Variants in LYST observed in about 807,000 individuals in gnomAD.
LYST encodes lysosomal trafficking regulator, also known as lysosomal-trafficking regulator.
A neutral mutation model predicts 413.6 loss-of-function variants in LYST; 192 were observed. That is an observed-to-expected ratio of 0.46 (90% confidence interval 0.41 to 0.52). The LOEUF is 0.52. LYST is among the 20% of genes least tolerant of loss of function. LYST has a pLI of 0.00. For synonymous variants in LYST, 1,525 were observed against 1,567.3 expected (o/e 0.97, Z 0.64); for missense variants, 3,815 against 4,499.9 (o/e 0.85, Z 4.35).
chr1:235,702,944 C>T lies in LYST; in HGVS notation c.10177G>A (p.Asp3393Asn). Residue 3393 changes from aspartate to asparagine, a missense_variant, in exon 45 of 53, where the codon GAT becomes AAT. Physicochemically the swap from Asp to Asn is conservative, Grantham distance 23 (BLOSUM62 1). Around this residue, in one of 4 missense-constraint regions of LYST, gnomAD observed 866 missense variants for 1,156.0 expected, o/e 0.75. Transcript: ENST00000389793. ...YFGMDVSAVE[D>N]PVQRRALETM... ...TCTAGCGCTCGTCTCTGAACTGGAT[C>T]TTCAACTGCAGAGACATCCATTCCA... is the stretch of plus-strand genomic sequence containing the variant. The T allele has an allele frequency of 6.2e-7, 1 of 1,614,118 alleles. No homozygotes were observed. The highest frequency in any genetic ancestry group is 8.5e-7 in the Non-Finnish European group (1 of 1,179,970).
chr1:235,741,424 G>A lies in LYST; in HGVS notation c.8356C>T (p.Gln2786Ter). 6.2e-7 allele frequency: 1 copy of A among 1,611,320 alleles called. No individual in the cohort carries two copies. The highest frequency in any genetic ancestry group is 8.5e-7 in the Non-Finnish European group (1 of 1,177,520). ...ILRDCLSPSLQHGAKLVLYLS... is the reference protein window; with the variant it reads ...ILRDCLSPSL ...CTTATCAAAGCTGAGATACTTACTT[G>A]TAGGGATGGGCTGAGACAGTCTCGT... The change falls in exon 31 of 53, where the codon CAA (glutamine) becomes TAA (stop). Residue 2786 changes from glutamine (Q) to a stop codon, truncating the protein, a stop_gained and splice_region_variant. Coordinates refer to ENST00000389793, the MANE Select transcript of LYST (RefSeq NM_000081.4). LOFTEE classifies it high-confidence loss of function.
rs772463293 is a variant in LYST, at chr1:235,684,885, TC to T, written c.10800+2063del. Among the ~76,000 whole-genome samples the T allele has an allele frequency of 7.2e-5, 11 of 152,156 alleles. No homozygotes were observed. The South Asian group carries it at 2.3e-3, about 32-fold the overall frequency. On this transcript the variant is annotated intron_variant, in intron 48 of 52. Transcript: ENST00000389793. ...CTCAAGCGATCTTCTTGTCTTGGCC[TC>T]CCAAAGTGCTGGGGCCACAGGCATG...
intron 1 of LYST, among the ~76,000 whole-genome samples, chr1:235,860,810 A>G (rs1457244070): frequency 6.6e-6 from 1 of 152,088 alleles, no homozygotes; most frequent in East Asian, 1.9e-4. Flanking sequence ...TATCCCCTGA[A>G]GTTTCCTAGT....
chr1:235,798,578 T>TAAAAAAA (rs71174462), intron 10 of LYST, among the ~76,000 whole-genome samples: 37 of 81,682 alleles, frequency 4.5e-4, no homozygotes, highest in South Asian at 1.1e-3. Flanking sequence ...AACCCTGTCA[T>TAAAAAAA]AAAAAAAAAA....
At chr1:235,677,431 A>C in intron 49 of LYST, 49 bp downstream of exon 49, 1 of 1,583,218 alleles carries the variant, frequency 6.3e-7, no homozygotes, top group Non-Finnish European at 8.7e-7. Context: ...TATAGTAAAA[A>C]TGGATATATT....
chr1:235,745,646 T>C (rs778262259), intron 29 of LYST, among the ~76,000 whole-genome samples: 4 of 152,116 alleles, frequency 2.6e-5, no homozygotes, highest in Non-Finnish European at 4.4e-5. Flanking sequence ...TTATTTGTAA[T>C]AGCCAAAAAC....
chr1:235,868,294 C>T (rs1304471658), upstream of LYST, among the ~76,000 whole-genome samples: 1 of 152,020 alleles, frequency 6.6e-6, no homozygotes. Flanking sequence ...GAACTTATCA[C>T]TCATTTAAGC....
intron 26 of LYST, among the ~76,000 whole-genome samples, chr1:235,752,404 C>T (rs776964024): frequency 6.6e-6 from 1 of 152,004 alleles, no homozygotes; most frequent in Non-Finnish European, 1.5e-5. Context: ...CATAGTTTTA[C>T]AGAGAACTGG....
Position 235,702,839 on chromosome 1 carries a change from T to C in LYST, c.10282A>G (p.Asn3428Asp), listed in dbSNP as rs945298314. ...GCAGCTGGAAGCTCTCCTTCAATAT[T>C]GAGCTTGGCTCCAGGTCTGCTCACA... ...AHVSRPGAKL[N>D]IEGELPAAVG... is the part of the protein sequence containing the mutation. The change falls in exon 45 of 53, where the codon AAT (asparagine) becomes GAT (aspartate). Residue 3428 changes from asparagine to aspartate, a missense_variant. By Grantham distance (23) the Asn-to-Asp change is conservative. This residue lies in a region of LYST where 866 missense variants were observed against 1,156.0 expected (regional missense o/e 0.75). Transcript: ENST00000389793. 13 of 1,614,064 alleles carry C rather than the reference T, an allele frequency of 8.1e-6. No homozygotes were observed. The highest frequency in any genetic ancestry group is 1.0e-5 in the Non-Finnish European group (12 of 1,180,016).
At chr1:235,828,878 T>C (rs1675626179) in intron 3 of LYST, 1 of 874,956 alleles carries the variant, frequency 1.1e-6, no homozygotes, top group South Asian at 5.3e-5. Flanking sequence ...TAATCACTCA[T>C]TTAACAAATC....
At chr1:235,713,135 T>C in intron 42 of LYST, 1 of 984,800 alleles carries the variant, frequency 1.0e-6, no homozygotes, top group Non-Finnish European at 1.2e-6. Flanking sequence ...TTCTCATCTA[T>C]TCTGTTGAGT....
rs945666427 is a variant in LYST, at chr1:235,791,578, G to A, written c.4543+121C>T. 46 of 819,628 alleles carry A rather than the reference G, an allele frequency of 5.6e-5. No individual in the cohort carries two copies. In the African/African-American group the frequency reaches 7.3e-4, roughly 13 times the overall value. The allele number at this position is 819,628 out of a possible 1,614,324, so 50.8% of individuals were successfully genotyped here. On this transcript the variant is annotated intron_variant, in intron 12 of 52. Transcript: ENST00000389793. ...GTCAGGACCTACCACCACTAAGTAA[G>A]GCATTTAAGGTGAAGAACATGTTAA...
chr1:235,714,769 T>G (rs942052066), intron 42 of LYST, among the ~76,000 whole-genome samples: 5 of 152,320 alleles, frequency 3.3e-5, no homozygotes, highest in African/African-American at 1.2e-4. Flanking sequence ...GCGTCTTTTA[T>G]TAACTAGTTA....
chr1:235,779,544 C>A (rs1271526438), intron 16 of LYST, among the ~76,000 whole-genome samples: 1 of 152,154 alleles, frequency 6.6e-6, no homozygotes, highest in Non-Finnish European at 1.5e-5. Context: ...ACACTTCAGA[C>A]CTACTGAATC....
upstream of LYST, among the ~76,000 whole-genome samples, chr1:235,867,356 G>C (rs569355763): frequency 6.6e-6 from 1 of 151,986 alleles, no homozygotes; most frequent in South Asian, 2.1e-4. Flanking sequence ...AGAGGATGAA[G>C]ATAGAAGAAA....
chr1:235,806,553 C>T lies in LYST; in HGVS notation c.2583G>A (p.Gln861=). 4 of 1,614,034 alleles carry T rather than the reference C, an allele frequency of 2.5e-6. No homozygotes were observed. Among genetic ancestry groups the T allele is most frequent in the Non-Finnish European group, 3.4e-6 (4 of 1,179,944 alleles). The change falls in exon 6 of 53, where the codon CAG becomes CAA. Residue 861 remains glutamine, a synonymous_variant. Coordinates refer to ENST00000389793, the MANE Select transcript of LYST (RefSeq NM_000081.4). ...TCTGAGGAGAATCTGAATAAGCTTG[C>T]TGATGATGAAAAGAAGTACCCACAT... ...SVHVGTSFHH[Q]QAYSDSPQSL...
At chr1:235,751,177 T>G in intron 28 of LYST, 33 bp downstream of exon 28, 1 of 1,602,072 alleles carries the variant, frequency 6.2e-7, no homozygotes, top group Non-Finnish European at 8.6e-7. Context: ...TAGCCTCAAT[T>G]TATGGTTATT....
At chr1:235,733,126 C>A (rs1387889980) in intron 34 of LYST, among the ~76,000 whole-genome samples, 1 of 152,016 alleles carries the variant, frequency 6.6e-6, no homozygotes, top group Non-Finnish European at 1.5e-5. Context: ...GTTATCTTAA[C>A]TAAATTTAGA....
intron 28 of LYST, among the ~76,000 whole-genome samples, chr1:235,746,784 T>C (rs1179813045): frequency 6.6e-6 from 1 of 152,194 alleles, no homozygotes; most frequent in Non-Finnish European, 1.5e-5. Context: ...CAGATGTCAT[T>C]TGGCAAAGTT....
Sources: gnomAD v4.1 joint callset for allele counts (sites outside exome capture counted in the v4.1 genomes callset) on GRCh38, gnomAD v4.1.1 for gene constraint, gnomAD v4.1.1 regional missense constraint, MANE v1.5 for transcripts, NCBI Gene and HGNC (gene_info 2026-07-23, HGNC 2026-07-21) for gene names.